Variants in MEIS1 observed in about 807,000 individuals in gnomAD.
MEIS1 encodes homeobox protein Meis1.
A neutral mutation model predicts 50.8 loss-of-function variants in MEIS1; 5 were observed. The ratio of observed to expected loss-of-function variants is 0.10; its 90% CI spans 0.05 to 0.21. MEIS1 has a LOEUF of 0.21. MEIS1 is among the 10% of genes least tolerant of loss of function. MEIS1 has a pLI of 1.00. For synonymous variants in MEIS1, 176 were observed against 179.3 expected (o/e 0.98, Z 0.15); for missense variants, 318 against 517.3 (o/e 0.61, Z 3.74).
At chr2:66,532,041 T>G (rs545805607) in intron 8 of MEIS1, among the ~76,000 whole-genome samples, 1 of 152,272 alleles carries the variant, frequency 6.6e-6, no homozygotes, top group South Asian at 2.1e-4. Flanking sequence ...CTGAAACTAG[T>G]TATAACCAGT....
intron 6 of MEIS1, among the ~76,000 whole-genome samples, chr2:66,449,607 T>A (rs1672233890): frequency 1.3e-5 from 2 of 152,122 alleles, no homozygotes; most frequent in South Asian, 2.1e-4. Context: ...ACTTGTAAAT[T>A]GGACATTTGA....
chr2:66,493,579 T>C, intron 7 of MEIS1, among the ~76,000 whole-genome samples: 1 of 152,160 alleles, frequency 6.6e-6, no homozygotes, highest in East Asian at 1.9e-4. Flanking sequence ...ATAATAAAAT[T>C]AGCTAAGAAG....
intron 9 of MEIS1, among the ~76,000 whole-genome samples, chr2:66,559,031 A>G (rs1675145021): frequency 6.6e-6 from 1 of 152,030 alleles, no homozygotes; most frequent in Non-Finnish European, 1.5e-5. Flanking sequence ...AATCTCAGCT[A>G]CTAGGGAGGC....
intron 7 of MEIS1, among the ~76,000 whole-genome samples, chr2:66,510,396 C>T (rs1673797940): frequency 6.6e-6 from 1 of 152,114 alleles, no homozygotes; most frequent in Non-Finnish European, 1.5e-5. Flanking sequence ...TTGGCCCAGT[C>T]AGAGAACATA....
chr2:66,519,481 C>G (rs1185340244), intron 8 of MEIS1, among the ~76,000 whole-genome samples: 1 of 151,654 alleles, frequency 6.6e-6, no homozygotes, highest in Non-Finnish European at 1.5e-5. Flanking sequence ...TGTCAAGAGC[C>G]AGAGAGTGCG....
chr2:66,494,812 A>T (rs981763137), intron 7 of MEIS1, among the ~76,000 whole-genome samples: 4 of 152,150 alleles, frequency 2.6e-5, no homozygotes, highest in Non-Finnish European at 5.9e-5. Context: ...AGGCTCAGCA[A>T]ATTGAGTCAC....
intron 5 of MEIS1, among the ~76,000 whole-genome samples, chr2:66,442,451 A>G (rs905101459): frequency 7.9e-5 from 12 of 152,096 alleles, no homozygotes; most frequent in African/African-American, 2.9e-4. Context: ...TTGGGTTGTC[A>G]GGCATTTATC....
chr2:66,545,326 C>T (rs1490196631), intron 8 of MEIS1, among the ~76,000 whole-genome samples: 5 of 152,192 alleles, frequency 3.3e-5, no homozygotes, highest in African/African-American at 1.2e-4. Flanking sequence ...TTGTGTACTT[C>T]AGTGTACAAC....
rs762318713 is a variant in MEIS1, at chr2:66,545,683, C to T, written c.889-2260C>T. Among the ~76,000 whole-genome samples, 88 of 152,132 alleles carry T rather than the reference C, an allele frequency of 5.8e-4. 1 individual carries two copies. Among genetic ancestry groups the T allele is most frequent in the Non-Finnish European group, 8.4e-4 (57 of 68,026 alleles). On this transcript the variant is annotated intron_variant, in intron 8 of 12. Coordinates refer to ENST00000272369, the MANE Select transcript of MEIS1 (RefSeq NM_002398.3). ...ATTTGGTTTGTATTGTGTGCCAAATCTTTATACAGTGGGAGTTATGTTTTA... is the reference window on the plus strand; with the variant it reads ...ATTTGGTTTGTATTGTGTGCCAAATTTTTATACAGTGGGAGTTATGTTTTA...
chr2:66,523,555 G>C (rs1289212586), intron 8 of MEIS1, among the ~76,000 whole-genome samples: 1 of 152,190 alleles, frequency 6.6e-6, no homozygotes, highest in Admixed American at 6.5e-5. Flanking sequence ...GTAGTTGGAA[G>C]GTGAAGATGA....
chr2:66,540,150 A>G (rs1674616809), intron 8 of MEIS1, among the ~76,000 whole-genome samples: 1 of 152,164 alleles, frequency 6.6e-6, no homozygotes, highest in African/African-American at 2.4e-5. Flanking sequence ...GCCCTTACTC[A>G]GGGGGTTCAC....
chr2:66,501,788 C>T lies in MEIS1; in HGVS notation c.743-10361C>T, dbSNP rs577388860. 5.9e-5 allele frequency among the ~76,000 whole-genome samples: 9 copies of T among 152,182 alleles called. No homozygotes were observed. In the South Asian group the frequency reaches 8.3e-4, roughly 14 times the overall value. On this transcript the variant is annotated intron_variant, in intron 7 of 12. Transcript: ENST00000272369. Reference sequence around the variant, plus strand: ...AAATCTGAACACTGACAAACTCCAACGGACAATTCTTAATTTTTATGAATG... The same window carrying T: ...AAATCTGAACACTGACAAACTCCAATGGACAATTCTTAATTTTTATGAATG...
intron 6 of MEIS1, among the ~76,000 whole-genome samples, chr2:66,458,323 A>T (rs1218076403): frequency 6.6e-6 from 1 of 152,148 alleles, no homozygotes; most frequent in Non-Finnish European, 1.5e-5. Context: ...CACCTGTAAA[A>T]ATCATGTTAT....
chr2:66,447,766 A>C (rs2103704101), intron 6 of MEIS1, among the ~76,000 whole-genome samples: 1 of 152,264 alleles, frequency 6.6e-6, no homozygotes, highest in African/African-American at 2.4e-5. Flanking sequence ...TACATTGGTA[A>C]ATGTCTCTAA....
chr2:66,515,695 A>G (rs975366162), intron 8 of MEIS1, among the ~76,000 whole-genome samples: 3 of 152,214 alleles, frequency 2.0e-5, no homozygotes, highest in Admixed American at 2.0e-4. Context: ...TTAGTTGAGC[A>G]TTTGGCAGAG....
intron 9 of MEIS1, among the ~76,000 whole-genome samples, chr2:66,550,698 A>G (rs1674898406): frequency 6.6e-6 from 1 of 151,764 alleles, no homozygotes; most frequent in African/African-American, 2.4e-5. Flanking sequence ...GGGTTTTGCT[A>G]TGTTGCCCAG....
Position 66,527,591 on chromosome 2 carries a change from AGTGTGTGTGTGTGTGTGTGTGTGT to A in MEIS1, c.888+15324_888+15347del, listed in dbSNP as rs71409176. Among the ~76,000 whole-genome samples the A allele has an allele frequency of 7.9e-3, 989 of 124,486 alleles. 28 individuals are homozygous for A. Among genetic ancestry groups the A allele is most frequent in the East Asian group, 0.058 (240 of 4,162 alleles). The allele number at this position is 124,486 out of a possible 152,430, so 81.7% of individuals were successfully genotyped here. On this transcript the variant is annotated intron_variant, in intron 8 of 12. Coordinates refer to ENST00000272369, the MANE Select transcript of MEIS1 (RefSeq NM_002398.3). The stretch of plus-strand genomic sequence containing the variant: ...TGATACCTGTATTGCAGTAAAAGCA[AGTGTGTGTGTGTGTGTGTGTGTGT>A]GTGTGTGTGTGTGTGTGTGTGTGTG...
intron 9 of MEIS1, among the ~76,000 whole-genome samples, chr2:66,553,845 G>A (rs758191813): frequency 1.2e-4 from 19 of 152,158 alleles, no homozygotes; most frequent in African/African-American, 3.1e-4. Context: ...TGTTAAAGAC[G>A]AAAGCTCCTT....
intron 8 of MEIS1, among the ~76,000 whole-genome samples, chr2:66,529,911 C>T (rs998292125): frequency 2.6e-5 from 4 of 151,992 alleles, no homozygotes; most frequent in African/African-American, 9.7e-5. Context: ...CTTACTTAGG[C>T]AATAGAGACC....
Sources: allele counts gnomAD v4.1 joint callset (sites outside exome capture counted in the v4.1 genomes callset), GRCh38; gene constraint gnomAD v4.1.1; transcripts MANE v1.5; gene names NCBI Gene and HGNC (gene_info 2026-07-23, HGNC 2026-07-21).